Variants in RTF1 observed in about 807,000 individuals in gnomAD.
RTF1 encodes the protein RNA polymerase-associated protein RTF1 homolog.
In RTF1, 10 loss-of-function variants were observed where a neutral mutation model predicts 95.7. The observed-to-expected ratio is 0.10, with a 90% confidence interval of 0.06 to 0.18. RTF1 has a LOEUF of 0.18. RTF1 is among the 10% of genes least tolerant of loss of function. RTF1 has a pLI of 1.00. For missense variants in RTF1, 458 were observed against 875.6 expected (o/e 0.52, Z 6.02); for synonymous variants, 305 against 311.8 (o/e 0.98, Z 0.23).
At chr15:41,422,056 A>G (rs1431935708) in intron 1 of RTF1, among the ~76,000 whole-genome samples, 1 of 151,924 alleles carries the variant, frequency 6.6e-6, no homozygotes, top group Non-Finnish European at 1.5e-5. Flanking sequence ...TATTTTTGAG[A>G]TGGAGTCTCA....
chr15:41,424,760 C>T (rs771164781), intron 1 of RTF1, among the ~76,000 whole-genome samples: 1 of 152,146 alleles, frequency 6.6e-6, no homozygotes, highest in Non-Finnish European at 1.5e-5. Flanking sequence ...CCTTTAATCC[C>T]AGCACTTTGG....
chr15:41,441,309 G>A (rs1216454906), intron 2 of RTF1, among the ~76,000 whole-genome samples: 1 of 152,030 alleles, frequency 6.6e-6, no homozygotes, highest in Non-Finnish European at 1.5e-5. Flanking sequence ...TATTTTTCAT[G>A]TTTCAGAAGT....
intron 2 of RTF1, among the ~76,000 whole-genome samples, chr15:41,444,346 T>G (rs1320234505): frequency 1.3e-5 from 2 of 151,508 alleles, no homozygotes; most frequent in Non-Finnish European, 2.9e-5. Context: ...CAGGCTGGAG[T>G]GCAGTGGTGC....
At chr15:41,470,650 C>CT (rs58221683) in intron 7 of RTF1, among the ~76,000 whole-genome samples, 4,819 of 75,498 alleles carry the variant, frequency 0.064, 908 homozygotes, top group South Asian at 0.11. Context: ...CATTCATTTT[C>CT]TTTTTTTTTT....
chr15:41,429,280 C>G (rs1051332824), intron 1 of RTF1, among the ~76,000 whole-genome samples: 1 of 152,130 alleles, frequency 6.6e-6, no homozygotes, highest in Non-Finnish European at 1.5e-5. Context: ...TAAAGCTCTG[C>G]GAATTACTCT....
At chr15:41,426,689 GCCCCCCCCCCCCCCCGCCCC>G (rs1566835709) in intron 1 of RTF1, among the ~76,000 whole-genome samples, 1 of 4,506 alleles carries the variant, frequency 2.2e-4, no homozygotes, top group East Asian at 0.036. Flanking sequence ...GATCCACCCC[GCCCCCCCCCCCCCCCGCCCC>G]CCCCCCCCGC....
chr15:41,430,011 CTTTTTTTTTTT>C (rs747303648), intron 1 of RTF1, among the ~76,000 whole-genome samples: 2 of 130,046 alleles, frequency 1.5e-5, no homozygotes, highest in African/African-American at 5.6e-5. Flanking sequence ...TTTTTCTTTT[CTTTTTTTTTTT>C]TTTGAGACAG....
chr15:41,447,673 A>G (rs1358779373), intron 2 of RTF1, among the ~76,000 whole-genome samples: 1 of 152,206 alleles, frequency 6.6e-6, no homozygotes, highest in Admixed American at 6.5e-5. Context: ...GTCAGTGTGT[A>G]CAAGAGTCCT....
chr15:41,466,027 A>C (rs976892811), intron 5 of RTF1, 114 bp from the exon 6 acceptor site: 1 of 616,476 alleles, frequency 1.6e-6, no homozygotes, highest in Non-Finnish European at 2.7e-6. Flanking sequence ...AAAAGCTCTA[A>C]GTTTTTGCAG....
At chr15:41,450,902 C>T (rs1414301781) in intron 2 of RTF1, among the ~76,000 whole-genome samples, 1 of 151,550 alleles carries the variant, frequency 6.6e-6, no homozygotes, top group Non-Finnish European at 1.5e-5. Context: ...AGTGAGCTAT[C>T]ATCCTGCTGC....
intron 2 of RTF1, among the ~76,000 whole-genome samples, chr15:41,445,902 A>AT (rs1445309154): frequency 6.6e-6 from 1 of 151,648 alleles, no homozygotes; most frequent in Non-Finnish European, 1.5e-5. Flanking sequence ...CGCCCAGCTA[A>AT]TTTTTTTGTA....
intron 1 of RTF1, among the ~76,000 whole-genome samples, chr15:41,431,356 A>G (rs2050671695): frequency 6.6e-6 from 1 of 150,968 alleles, no homozygotes; most frequent in Non-Finnish European, 1.5e-5. Flanking sequence ...CTGGGATTAC[A>G]GGCGCCTGCC....
At chr15:41,435,428 G>A (rs750776198) in intron 1 of RTF1, among the ~76,000 whole-genome samples, 1 of 151,214 alleles carries the variant, frequency 6.6e-6, no homozygotes, top group South Asian at 2.1e-4. Context: ...TCCTACCTTG[G>A]CCTCCCAAAG....
At chr15:41,473,803 G>C (rs2050928108) in intron 8 of RTF1, among the ~76,000 whole-genome samples, 1 of 151,380 alleles carries the variant, frequency 6.6e-6, no homozygotes. Flanking sequence ...CCAGTACTTT[G>C]GGAGGCAGGT....
At chr15:41,477,123 G>T (rs2050945525) in intron 12 of RTF1, 42 bp from the exon 13 acceptor site, 7 of 1,613,676 alleles carry the variant, frequency 4.3e-6, no homozygotes, top group Non-Finnish European at 5.9e-6. Flanking sequence ...GGAGTCAGTT[G>T]TATGTAGCCA....
In RTF1 at chr15:41,452,940, G is replaced by C. The variant is rs775356779; in HGVS notation, c.349G>C (p.Ala117Pro). 6.2e-7 allele frequency: 1 copy of C among 1,611,636 alleles called. No individual in the cohort carries two copies. The highest frequency in any genetic ancestry group is 1.7e-4 in the Middle Eastern group (1 of 6,048). ...CAATAAAAATAAGAAGAAAGGAAAAGCCAGAAAAATAGAGAAGAAAGGAAC... is the reference window on the plus strand; with the variant it reads ...CAATAAAAATAAGAAGAAAGGAAAACCCAGAAAAATAGAGAAGAAAGGAAC... ...GSNKNKKKGK[A>P]RKIEKKGTMK... Residue 117 changes from alanine to proline, a missense_variant, in exon 3 of 18, where the codon GCC becomes CCC. By Grantham distance (27) the Ala-to-Pro change is conservative (BLOSUM62 -1). Coordinates refer to ENST00000389629, the MANE Select transcript of RTF1 (RefSeq NM_015138.5).
intron 2 of RTF1, among the ~76,000 whole-genome samples, chr15:41,451,190 C>G (rs377029717): frequency 3.3e-5 from 5 of 151,998 alleles, no homozygotes; most frequent in Non-Finnish European, 7.4e-5. Flanking sequence ...GGAACAAAGA[C>G]TTTGTGCCTT....
Position 41,438,349 on chromosome 15 carries a change from G to T in RTF1, c.227G>T (p.Arg76Leu). Residue 76 changes from arginine to leucine, a missense_variant, in exon 2 of 18, where the codon CGC becomes CTC. Arg to Leu is a moderately radical substitution (Grantham distance 102). Around this residue, in one of 11 missense-constraint regions of RTF1, gnomAD observed 44 missense variants for 99.5 expected, o/e 0.44. Coordinates refer to ENST00000389629, the MANE Select transcript of RTF1 (RefSeq NM_015138.5). ...CTCTTGTCCCTGGCAAAGCGAAAGC[G>T]CAGTGACTCTGAGGAGAAGGAGCCG... ...QELLSLAKRK[R>L]SDSEEKEPPV... 6.4e-7 allele frequency: 1 copy of T among 1,550,802 alleles called. No individual in the cohort carries two copies. The highest frequency in any genetic ancestry group is 8.7e-7 in the Non-Finnish European group (1 of 1,146,318).
intron 7 of RTF1, among the ~76,000 whole-genome samples, chr15:41,470,650 CTTTTTTTTT>C (rs58221683): frequency 1.3e-5 from 1 of 75,442 alleles, no homozygotes; most frequent in African/African-American, 4.9e-5. Flanking sequence ...CATTCATTTT[CTTTTTTTTT>C]TTTTTTTTTT....
Sources: gnomAD v4.1 joint callset for allele counts (sites outside exome capture counted in the v4.1 genomes callset) on GRCh38, gnomAD v4.1.1 for gene constraint, gnomAD v4.1.1 regional missense constraint, MANE v1.5 for transcripts, NCBI Gene and HGNC (gene_info 2026-07-23, HGNC 2026-07-21) for gene names.